The following SGCZ variants were observed in gnomAD, a reference collection of about 807,000 sequenced individuals.
SGCZ encodes the protein sarcoglycan zeta.
Under a neutral mutation model 41.3 loss-of-function variants are expected in SGCZ, and 40 were observed. That is an observed-to-expected ratio of 0.97 (90% confidence interval 0.75 to 1.26). The LOEUF (loss-of-function observed/expected upper bound fraction) is 1.26, where lower values mean the gene tolerates loss of function less well. SGCZ is among the 50% of genes most tolerant of loss of function. SGCZ has a pLI of 0.00. For synonymous variants in SGCZ, 206 were observed against 137.5 expected (o/e 1.50, Z -3.49); for missense variants, 552 against 369.8 (o/e 1.49, Z -4.04).
intron 2 of SGCZ, among the ~76,000 whole-genome samples, chr8:14,403,462 C>A (rs1799131880): frequency 6.6e-6 from 1 of 151,626 alleles, no homozygotes; most frequent in African/African-American, 2.4e-5. Context: ...GAAATACATC[C>A]CATCAATACC....
chr8:14,928,144 G>C (rs978374548), intron 1 of SGCZ, among the ~76,000 whole-genome samples: 4 of 152,158 alleles, frequency 2.6e-5, no homozygotes, highest in Non-Finnish European at 5.9e-5. Flanking sequence ...CCATGTTGCA[G>C]ATAAATTTAT....
chr8:14,816,906 G>T (rs534734619), intron 1 of SGCZ, among the ~76,000 whole-genome samples: 2 of 152,290 alleles, frequency 1.3e-5, no homozygotes, highest in East Asian at 3.9e-4. Context: ...ATCAATTTTA[G>T]TCCTAACACC....
At chr8:14,784,821 G>T (rs540126896) in intron 1 of SGCZ, among the ~76,000 whole-genome samples, 1 of 147,884 alleles carries the variant, frequency 6.8e-6, no homozygotes, top group Non-Finnish European at 1.5e-5. Flanking sequence ...AGAATCACTT[G>T]AACCTGGGAG....
At chr8:14,910,036 C>A (rs563902313) in intron 1 of SGCZ, among the ~76,000 whole-genome samples, 22 of 152,018 alleles carry the variant, frequency 1.4e-4, no homozygotes, top group South Asian at 4.1e-4. Context: ...TGTCCCCCAC[C>A]CTGTGCTTTA....
At chr8:14,170,623 G>C (rs565527111) in intron 4 of SGCZ, among the ~76,000 whole-genome samples, 1 of 152,080 alleles carries the variant, frequency 6.6e-6, no homozygotes, top group Admixed American at 6.6e-5. Flanking sequence ...TTTATTTAAG[G>C]GTCCCAATGG....
intron 1 of SGCZ, among the ~76,000 whole-genome samples, chr8:14,962,469 A>G (rs904476432): frequency 6.6e-6 from 1 of 152,146 alleles, no homozygotes; most frequent in African/African-American, 2.4e-5. Context: ...TTATTTATAG[A>G]TACAATAAAT....
intron 1 of SGCZ, among the ~76,000 whole-genome samples, chr8:14,766,444 T>G (rs968319603): frequency 6.6e-6 from 1 of 152,114 alleles, no homozygotes; most frequent in Non-Finnish European, 1.5e-5. Context: ...TAGGATTATA[T>G]CTTCAAGATA....
intron 1 of SGCZ, among the ~76,000 whole-genome samples, chr8:14,835,961 A>G (rs1199517420): frequency 1.3e-5 from 2 of 152,228 alleles, no homozygotes; most frequent in South Asian, 2.1e-4. Flanking sequence ...GTTGCTATTC[A>G]TTAAGGTAGA....
At chr8:15,043,836 GC>G (rs1804202331) in intron 1 of SGCZ, among the ~76,000 whole-genome samples, 1 of 152,018 alleles carries the variant, frequency 6.6e-6, no homozygotes, top group African/African-American at 2.4e-5. Flanking sequence ...GGCTCTCAGT[GC>G]TTTAGTGTTA....
intron 1 of SGCZ, among the ~76,000 whole-genome samples, chr8:14,942,347 C>T (rs1449796339): frequency 1.3e-5 from 2 of 152,162 alleles, no homozygotes; most frequent in Non-Finnish European, 2.9e-5. Flanking sequence ...GCCAACTGTT[C>T]TTTCAGTGGT....
chr8:15,067,045 G>A (rs377120166), intron 1 of SGCZ, among the ~76,000 whole-genome samples: 11 of 152,132 alleles, frequency 7.2e-5, no homozygotes, highest in East Asian at 5.8e-4. Context: ...ATGAATACGC[G>A]GTCATACACA....
chr8:14,423,735 C>G (rs1476478634), intron 2 of SGCZ, among the ~76,000 whole-genome samples: 1 of 152,102 alleles, frequency 6.6e-6, no homozygotes, highest in Non-Finnish European at 1.5e-5. Flanking sequence ...TTTCATTTTG[C>G]TTCTCTTAAT....
At chr8:14,240,195 G>T (rs1247641643) in intron 3 of SGCZ, among the ~76,000 whole-genome samples, 2 of 151,490 alleles carry the variant, frequency 1.3e-5, no homozygotes, top group African/African-American at 4.9e-5. Context: ...AGGCATGGTG[G>T]TGGGCTCTTG....
chr8:15,101,975 C>A (rs2131083137), intron 1 of SGCZ, among the ~76,000 whole-genome samples: 1 of 152,230 alleles, frequency 6.6e-6, no homozygotes, highest in Non-Finnish European at 1.5e-5. Context: ...TGGCAGTTTT[C>A]TACAGAGCTA....
intron 3 of SGCZ, among the ~76,000 whole-genome samples, chr8:14,264,996 C>CA (rs1429493105): frequency 9.2e-5 from 14 of 151,434 alleles, no homozygotes; most frequent in South Asian, 2.1e-4. Context: ...CACAAAAAAA[C>CA]AAAAAAACAC....
chr8:14,640,159 G>C (rs989841767), intron 1 of SGCZ, among the ~76,000 whole-genome samples: 1 of 151,278 alleles, frequency 6.6e-6, no homozygotes, highest in Non-Finnish European at 1.5e-5. Flanking sequence ...TTAAGAAACA[G>C]AAAATTGGGA....
At chr8:14,838,335 G>C (rs1802775526) in intron 1 of SGCZ, among the ~76,000 whole-genome samples, 2 of 152,182 alleles carry the variant, frequency 1.3e-5, no homozygotes, top group Non-Finnish European at 2.9e-5. Flanking sequence ...TGGCTATTGA[G>C]AGACTGCCCC....
chr8:14,994,448 G>A (rs1802140597), intron 1 of SGCZ, among the ~76,000 whole-genome samples: 1 of 152,146 alleles, frequency 6.6e-6, no homozygotes, highest in Admixed American at 6.5e-5. Flanking sequence ...GCTGGGCATG[G>A]CAGCATGCGC....
At chr8:14,188,156 T>C (rs1216350826) in intron 4 of SGCZ, among the ~76,000 whole-genome samples, 1 of 152,222 alleles carries the variant, frequency 6.6e-6, no homozygotes, top group East Asian at 1.9e-4. Context: ...AATGTGTTTC[T>C]AGCAGACCTA....
Sources: gnomAD v4.1 joint callset for allele counts (sites outside exome capture counted in the v4.1 genomes callset) on GRCh38, gnomAD v4.1.1 for gene constraint, MANE v1.5 for transcripts, NCBI Gene and HGNC (gene_info 2026-07-23, HGNC 2026-07-21) for gene names.